RPTOR: variants seen among roughly 807,000 people sequenced by gnomAD.
RPTOR encodes the protein regulatory associated protein of MTOR complex 1.
RPTOR carries 21 observed loss-of-function variants against 169.9 expected under a neutral mutation model. That is an observed-to-expected ratio of 0.12 (90% CI 0.09 to 0.18). The LOEUF is 0.18. RPTOR is among the 10% of genes least tolerant of loss of function. The pLI is 1.00. For synonymous variants in RPTOR, 732 were observed against 753.2 expected, an observed-to-expected ratio of 0.97 and a Z score of 0.46; for missense variants, 1,133 against 1,855.9, an observed-to-expected ratio of 0.61 and a Z score of 7.16.
intron 6 of RPTOR, among the ~76,000 whole-genome samples, chr17:80,772,587 C>T (rs2066855670): frequency 6.7e-6 from 1 of 148,454 alleles, no homozygotes; most frequent in Non-Finnish European, 1.5e-5. Context: ...TCAGTGCCTC[C>T]CTGATGAGGG....
In RPTOR at chr17:80,730,754, T is replaced by TTTTTTTTTTTG; in HGVS notation, c.654+48_654+49insTTTTTTTTTTG. 5.5e-6 allele frequency: 4 copies of TTTTTTTTTTTG among 721,614 alleles called. No homozygotes were observed. Among genetic ancestry groups the TTTTTTTTTTTG allele is most frequent in the Non-Finnish European group, 8.7e-6 (4 of 457,672 alleles). 44.7% of individuals were successfully genotyped at this position (721,614 alleles called of 1,614,324 possible). A position where few individuals can be genotyped will look rare whatever the true frequency, so the allele number is the denominator to read the frequency against. The stretch of plus-strand genomic sequence containing the variant: ...AGCGGTGCTGGGTTTGGTTTTGTTT[T>TTTTTTTTTTTG]CCCTGGGGGTGGGGTTTGGGTGGGG... On this transcript the variant is annotated intron_variant, in intron 5 of 33. Coordinates refer to ENST00000306801, the MANE Select transcript of RPTOR (RefSeq NM_020761.3). This position sits in a 1 kb window ranked among gnomAD's most constrained non-coding sequence, Gnocchi z 4.2.
chr17:80,922,052 G>A (rs2068751643), intron 21 of RPTOR, among the ~76,000 whole-genome samples: 1 of 152,220 alleles, frequency 6.6e-6, no homozygotes, highest in Admixed American at 6.5e-5. Flanking sequence ...CAAGCCCCCT[G>A]CAGTCATTCT....
At chr17:80,662,846 G>A (rs923438175) in intron 3 of RPTOR, among the ~76,000 whole-genome samples, 1 of 152,070 alleles carries the variant, frequency 6.6e-6, no homozygotes, top group Non-Finnish European at 1.5e-5. Context: ...AACCAGGAGG[G>A]GACCAGTTTT....
At chr17:80,838,933 G>GC (rs2067596384) in intron 10 of RPTOR, among the ~76,000 whole-genome samples, 1 of 152,250 alleles carries the variant, frequency 6.6e-6, no homozygotes, top group Non-Finnish European at 1.5e-5. Context: ...TTTGGACAGA[G>GC]CCCAGCACAG....
intron 4 of RPTOR, among the ~76,000 whole-genome samples, chr17:80,709,641 T>G (rs2066170269): frequency 6.6e-6 from 1 of 152,188 alleles, no homozygotes; most frequent in South Asian, 2.1e-4. Flanking sequence ...GTTCCCATCT[T>G]GTTTCTGCTG....
chr17:80,744,055 CCCTGGCTACTAGCACTGT>C (rs2066528628), intron 5 of RPTOR, among the ~76,000 whole-genome samples: 1 of 64,510 alleles, frequency 1.6e-5, no homozygotes, highest in Non-Finnish European at 3.8e-5. Context: ...ACTAGCACAG[CCCTGGCTACTAGCACTGT>C]CCTGGTTACG....
rs557270094 is a variant in RPTOR, at chr17:80,553,307, C to T, written c.162+7516C>T. Among the ~76,000 whole-genome samples, 111 of 152,304 alleles carry T rather than the reference C, an allele frequency of 7.3e-4. 1 individual carries two copies. The highest frequency in any genetic ancestry group is 3.4e-3 in the Admixed American group (52 of 15,306). On this transcript the variant is annotated intron_variant, in intron 1 of 33. Coordinates refer to ENST00000306801, the MANE Select transcript of RPTOR (RefSeq NM_020761.3). ...ATCTGCTGCCTTCATGGACGCAGCACGTCCCAAAGGAATCACCGACAGGCC... is the reference window on the plus strand; with the variant it reads ...ATCTGCTGCCTTCATGGACGCAGCATGTCCCAAAGGAATCACCGACAGGCC...
At chr17:80,618,842 G>T (rs1032788991) in intron 1 of RPTOR, among the ~76,000 whole-genome samples, 2 of 152,150 alleles carry the variant, frequency 1.3e-5, no homozygotes, top group Non-Finnish European at 2.9e-5. Flanking sequence ...TCTTGTTTTG[G>T]ACTGCAGGTT....
chr17:80,679,384 G>A (rs543705094), intron 3 of RPTOR, among the ~76,000 whole-genome samples: 12 of 152,330 alleles, frequency 7.9e-5, no homozygotes, highest in African/African-American at 2.6e-4. Context: ...AGAGGCTTCC[G>A]CACAGCCACG....
At position 80,730,758 on chromosome 17, in the gene RPTOR, T is replaced by TTTTGCGG; in HGVS notation, c.654+52_654+53insTTTGCGG. On this transcript the variant is annotated intron_variant, in intron 5 of 33. Coordinates refer to ENST00000306801, the MANE Select transcript of RPTOR (RefSeq NM_020761.3). This position sits in a 1 kb window ranked among gnomAD's most constrained non-coding sequence, Gnocchi z 4.2. ...GTGCTGGGTTTGGTTTTGTTTTCCC[T>TTTTGCGG]GGGGGTGGGGTTTGGGTGGGGAGGT... is the stretch of plus-strand genomic sequence containing the variant. 2.1e-6 allele frequency: 1 copy of TTTTGCGG among 467,248 alleles called. No individual in the cohort carries two copies. The highest frequency in any genetic ancestry group is 2.5e-5 in the African/African-American group (1 of 39,296). The allele number at this position is 467,248 out of a possible 1,614,324, so 28.9% of individuals were successfully genotyped here. A position where few individuals can be genotyped will look rare whatever the true frequency, so the allele number is the denominator to read the frequency against.
intron 2 of RPTOR, among the ~76,000 whole-genome samples, chr17:80,639,854 T>C (rs1021913025): frequency 6.6e-6 from 1 of 152,154 alleles, no homozygotes; most frequent in Non-Finnish European, 1.5e-5. Flanking sequence ...ACTGGGTACA[T>C]AGGAAGAAGA....
At chr17:80,943,584 G>A (rs751764762) in intron 25 of RPTOR, among the ~76,000 whole-genome samples, 6 of 152,222 alleles carry the variant, frequency 3.9e-5, no homozygotes, top group Non-Finnish European at 7.3e-5. Flanking sequence ...CGTTGTCCCA[G>A]TGTGCAGGCT....
In RPTOR at chr17:80,846,490, C is replaced by A; in HGVS notation, c.1230C>A (p.Ala410=). 2 of 1,614,148 alleles carry A rather than the reference C, an allele frequency of 1.2e-6. No homozygotes were observed. The highest frequency in any genetic ancestry group is 1.7e-6 in the Non-Finnish European group (2 of 1,180,034). ...GTAFRHSPFF[A]EQLTAFQVWL... is the part of the protein sequence containing the mutation. ...CCCCGCAGCACAGCCCGTTCTTCGCCGAGCAGCTGACCGCATTCCAGGTGT... is the reference window on the plus strand; with the variant it reads ...CCCCGCAGCACAGCCCGTTCTTCGCAGAGCAGCTGACCGCATTCCAGGTGT... Residue 410 remains alanine (A), a synonymous_variant, in exon 11 of 34, where the codon GCC becomes GCA. Coordinates refer to ENST00000306801, the MANE Select transcript of RPTOR (RefSeq NM_020761.3).
In RPTOR at chr17:80,906,288, C is replaced by G. The variant is rs944190669; in HGVS notation, c.2402-2523C>G. Among the ~76,000 whole-genome samples, 6 of 152,214 alleles carry G rather than the reference C, an allele frequency of 3.9e-5. No homozygotes were observed. The South Asian group carries it at 6.2e-4, about 16-fold the overall frequency. ...GAGCAGTTCCTAGGAGCCGGCTCCG[C>G]TGGGGTAGAGGAGACTCTAGGGATG... On this transcript the variant is annotated intron_variant, in intron 20 of 33. Transcript: ENST00000306801.
intron 2 of RPTOR, 21 bp from the exon 3 acceptor site, chr17:80,643,707 T>G (rs1328090657): frequency 6.2e-7 from 1 of 1,600,416 alleles, no homozygotes. Context: ...AAGAACTTTC[T>G]CTTTTCCATT....
intron 1 of RPTOR, among the ~76,000 whole-genome samples, chr17:80,583,447 TC>T (rs949031991): frequency 2.8e-4 from 42 of 152,126 alleles, no homozygotes; most frequent in African/African-American, 1.0e-3. Context: ...AGCCTTAGCC[TC>T]CCAAAGTGCC....
chr17:80,700,656 AGATGAT>A (rs2066084308), intron 3 of RPTOR, among the ~76,000 whole-genome samples: 1 of 88,514 alleles, frequency 1.1e-5, no homozygotes, highest in Non-Finnish European at 2.2e-5. Context: ...GTGATGGTAG[AGATGAT>A]GGTGATGGTG....
At chr17:80,552,528 T>C (rs2084358098) in intron 1 of RPTOR, among the ~76,000 whole-genome samples, 1 of 152,240 alleles carries the variant, frequency 6.6e-6, no homozygotes, top group Non-Finnish European at 1.5e-5. Context: ...CTTTTCATCA[T>C]AAAGCAAGGA....
chr17:80,602,680 G>A (rs904358081), intron 1 of RPTOR: 15 of 721,098 alleles, frequency 2.1e-5, no homozygotes, highest in Admixed American at 7.1e-5. Flanking sequence ...GCACGGATGC[G>A]GTAGGGGACA....
Sources: gnomAD v4.1 joint callset for allele counts (sites outside exome capture counted in the v4.1 genomes callset) on GRCh38, gnomAD v4.1.1 for gene constraint, Gnocchi (gnomAD v3.1) non-coding constraint, MANE v1.5 for transcripts, NCBI Gene and HGNC (gene_info 2026-07-23, HGNC 2026-07-21) for gene names.